The following PKD1 variants were observed in gnomAD, a reference collection of about 807,000 sequenced individuals.
The protein encoded by PKD1 is polycystin-1.
PKD1 carries 81 observed loss-of-function variants against 361.7 expected under a neutral mutation model. The ratio of observed to expected loss-of-function variants is 0.22; its 90% CI spans 0.19 to 0.27. The LOEUF (loss-of-function observed/expected upper bound fraction) is 0.27, where lower values mean the gene tolerates loss of function less well. Among genes scored for constraint, PKD1 ranks in the 10% least tolerant of loss-of-function variants. The probability of loss-of-function intolerance (pLI) is 1.00; values close to 1 mark genes in which losing one functional copy is unlikely to be tolerated. For synonymous variants in PKD1, 3,615 were observed against 2,818.3 expected, an observed-to-expected ratio of 1.28 and a Z score of -8.95; for missense variants, 6,399 against 6,118.3, an observed-to-expected ratio of 1.05 and a Z score of -1.53.
chr16:2,092,219 A>G (rs535839528), intron 39 of PKD1, 31 bp from the exon 40 acceptor site: 8 of 1,558,254 alleles, frequency 5.1e-6, no homozygotes, highest in Non-Finnish European at 4.3e-6. Flanking sequence ...GGCCGGGGCC[A>G]GGGCCTCATC....
At chr16:2,129,541 ATTTTTTTTTT>A (rs71148122) in intron 1 of PKD1, among the ~76,000 whole-genome samples, 15 of 72,088 alleles carry the variant, frequency 2.1e-4, no homozygotes, top group African/African-American at 8.0e-4. Context: ...AGATCCTGTG[ATTTTTTTTTT>A]TTTTTTTTTT....
Position 2,103,413 on chromosome 16 carries a change from A to T in PKD1, c.8644T>A (p.Trp2882Arg), listed in dbSNP as rs13333553. Residue 2882 changes from tryptophan to arginine, a missense_variant, in exon 23 of 46, where the codon TGG becomes AGG. Transcript: ENST00000262304. ...GAGCTGCGGTGGCCCCGGGCAGCCC[A>T]GTCCGAGTTGTTGGGCACCTTCACG... ...ITVKVPNNSD[W>R]AARGHRSSAN... 8.8e-3 allele frequency: 14,033 copies of T among 1,599,366 alleles called. 1,050 individuals carry two copies. The African/African-American group carries it at 0.16, about 18-fold the overall frequency.
chr16:2,093,882 C>A lies in PKD1; in HGVS notation c.10750G>T (p.Val3584Leu), dbSNP rs927844515. 1.9e-6 allele frequency: 3 copies of A among 1,575,080 alleles called. No individual in the cohort carries two copies. Among genetic ancestry groups the A allele is most frequent in the Non-Finnish European group, 2.6e-6 (3 of 1,166,188 alleles). ...GWVGASFPPGVSVAWLLSSSA... is the reference protein window; with the variant it reads ...GWVGASFPPGLSVAWLLSSSA... ...CTGGACAGGAGCCACGCAACACTCA[C>A]GCCCGGGGGGAAGCTCGCACCCACC... The change falls in exon 36 of 46, where the codon GTG (valine) becomes TTG (leucine). Residue 3584 changes from valine (V) to leucine (L), a missense_variant. By Grantham distance (32) the Val-to-Leu change is conservative. Coordinates refer to ENST00000262304, the MANE Select transcript of PKD1 (RefSeq NM_001009944.3).
Position 2,106,916 on chromosome 16 carries a change from C to T in PKD1, c.7098G>A (p.Val2366=). The T allele has an allele frequency of 6.4e-7, 1 of 1,573,848 alleles. No individual in the cohort carries two copies. Among genetic ancestry groups the T allele is most frequent in the Non-Finnish European group, 8.6e-7 (1 of 1,161,600 alleles). The part of the protein sequence containing the change: ...VLIRSGRVPI[V]SLECVSCKAQ... ...CCTTGCAGGACACACACTCCAAGGA[C>T]ACAATGGGCACCCGGCCACTCCGGA... Residue 2366 remains valine (V), a synonymous_variant, in exon 17 of 46, where the codon GTG becomes GTA. Transcript: ENST00000262304. This position sits in a 1 kb window ranked among gnomAD's most constrained non-coding sequence, Gnocchi z 6.5.
At position 2,111,436 on chromosome 16, in the gene PKD1, G is replaced by A. The variant is rs143624531; in HGVS notation, c.3731C>T (p.Thr1244Ile). ...AVQTGDNITW[T>I]FDMGDGTVLS... ...CACGGTGCCGTCCCCCATGTCGAAG[G>A]TCCACGTGATGTTGTCGCCCGTCTG... The change falls in exon 15 of 46, where the codon ACC becomes ATC. Residue 1244 changes from threonine to isoleucine, a missense_variant. Physicochemically the swap from Thr to Ile is moderately conservative, Grantham distance 89. Transcript: ENST00000262304. 195 of 1,611,934 alleles carry A rather than the reference G, an allele frequency of 1.2e-4. No homozygotes were observed. In the African/African-American group the frequency reaches 2.5e-3, roughly 20 times the overall value.
chr16:2,092,041 G>T lies in PKD1; in HGVS notation c.11411+6C>A. ...CGTAGACGCCCGGGGCCCTCGCTCT[G>T]CTCACCCCAGCAGATCCGGCGCTGA... On this transcript the variant is annotated splice_donor_region_variant and intron_variant, in intron 40 of 45. Coordinates refer to ENST00000262304, the MANE Select transcript of PKD1 (RefSeq NM_001009944.3). The T allele has an allele frequency of 9.9e-6, 16 of 1,612,758 alleles. No homozygotes were observed. Among genetic ancestry groups the T allele is most frequent in the Non-Finnish European group, 1.3e-5 (15 of 1,179,964 alleles).
Position 2,107,955 on chromosome 16 carries a change from C to A in PKD1, c.6993G>T (p.Ala2331=). The change falls in exon 16 of 46, where the codon GCG becomes GCT. Residue 2331 remains alanine (A), a synonymous_variant. Coordinates refer to ENST00000262304, the MANE Select transcript of PKD1 (RefSeq NM_001009944.3). ...GGCTGAAGGTGTACTCCACGCCAGC[C>A]GCCAGCCGCTCCCGTGGAATGGTGA... The part of the protein sequence containing the change: ...STVTIPRERL[A]AGVEYTFSLT... The A allele has an allele frequency of 6.5e-7, 1 of 1,547,078 alleles. No individual in the cohort carries two copies. The highest frequency in any genetic ancestry group is 2.0e-5 in the Admixed American group (1 of 51,036).
chr16:2,090,116 C>T lies in PKD1; in HGVS notation c.12523G>A (p.Val4175Met), dbSNP rs1180139883. ...TCGGAGCCAGCGCTGGGTGGGGGCACATCCGGGGATACCTTGGAGCCCCTG... is the reference window on the plus strand; with the variant it reads ...TCGGAGCCAGCGCTGGGTGGGGGCATATCCGGGGATACCTTGGAGCCCCTG... ...SSRGSKVSPD[V>M]PPPSAGSDAS... is the part of the protein sequence containing the mutation. Residue 4175 changes from valine to methionine, a missense_variant, in exon 46 of 46, where the codon GTG (valine) becomes ATG (methionine). Transcript: ENST00000262304. The T allele has an allele frequency of 6.2e-7, 1 of 1,601,174 alleles. No individual in the cohort carries two copies.
chr16:2,129,242 C>G (rs2092837536), intron 1 of PKD1, among the ~76,000 whole-genome samples: 1 of 149,370 alleles, frequency 6.7e-6, no homozygotes, highest in African/African-American at 2.5e-5. Context: ...TAACTGCAGT[C>G]TCAACCTCAT....
At chr16:2,129,466 G>A (rs1420523206) in intron 1 of PKD1, among the ~76,000 whole-genome samples, 2 of 151,278 alleles carry the variant, frequency 1.3e-5, no homozygotes, top group Non-Finnish European at 2.9e-5. Context: ...CATGACTAAT[G>A]AGGCCGACCA....
chr16:2,105,838 T>C, intron 20 of PKD1, 27 bp downstream of exon 20: 2 of 1,591,352 alleles, frequency 1.3e-6, no homozygotes, highest in Non-Finnish European at 1.7e-6. Context: ...GCAGCAGATG[T>C]GACGTCCCCT....
At chr16:2,129,046 T>C (rs925970308) in intron 1 of PKD1, among the ~76,000 whole-genome samples, 1 of 152,020 alleles carries the variant, frequency 6.6e-6, no homozygotes, top group African/African-American at 2.4e-5. Context: ...GTATTTTTAG[T>C]AGAACGGGGT....
intron 1 of PKD1, among the ~76,000 whole-genome samples, chr16:2,129,890 T>C (rs924969227): frequency 3.7e-4 from 56 of 151,774 alleles, no homozygotes; most frequent in Non-Finnish European, 6.3e-4. Context: ...ATCATAGTGT[T>C]CCCTGTATGA....
intron 1 of PKD1, among the ~76,000 whole-genome samples, chr16:2,123,807 G>A (rs1457815293): frequency 6.6e-6 from 1 of 152,228 alleles, no homozygotes; most frequent in Non-Finnish European, 1.5e-5. Context: ...GCTATGAGCT[G>A]GAAGGGTGGG....
chr16:2,114,416 G>T lies in PKD1; in HGVS notation c.2607C>A (p.Arg869=), dbSNP rs537405706. ...ARWPGGSVSA[R]FENVCPALVA... is the part of the protein sequence containing the mutation. ...CCAGGGCAGGGCAGACATTCTCAAAGCGGGCGCTGACACTGCCCCCAGGCC... is the reference window on the plus strand; with the variant it reads ...CCAGGGCAGGGCAGACATTCTCAAATCGGGCGCTGACACTGCCCCCAGGCC... Residue 869 remains arginine, a synonymous_variant, in exon 11 of 46, where the codon CGC becomes CGA. Coordinates refer to ENST00000262304, the MANE Select transcript of PKD1 (RefSeq NM_001009944.3). 29 of 1,603,486 alleles carry T rather than the reference G, an allele frequency of 1.8e-5. No homozygotes were observed. The East Asian group carries it at 6.5e-4, about 36-fold the overall frequency.
At position 2,088,861 on chromosome 16, in the gene PKD1, A is replaced by G. The variant is rs1177932432; in HGVS notation, c.*866T>C. On this transcript the variant is annotated 3_prime_UTR_variant, in exon 46 of 46. Coordinates refer to ENST00000262304, the MANE Select transcript of PKD1 (RefSeq NM_001009944.3). ...CTTGAGGCTGCCTGGGCCATACAGC[A>G]CACTCGCGCGTGCGCGCGCGCACAC... 7 of 552,064 alleles carry G rather than the reference A, an allele frequency of 1.3e-5. No individual in the cohort carries two copies. Among genetic ancestry groups the G allele is most frequent in the African/African-American group, 4.3e-5 (2 of 46,798 alleles). 34.2% of individuals were successfully genotyped at this position (552,064 alleles called of 1,614,324 possible).
intron 1 of PKD1, chr16:2,120,022 G>A: frequency 1.7e-6 from 1 of 594,378 alleles, no homozygotes; most frequent in Non-Finnish European, 3.0e-6. Context: ...AACCACCCTG[G>A]GCAACACAGT....
rs139695108 is a variant in PKD1 at position 2,120,387 on chromosome 16, T to C, written c.216-1009A>G. The C allele has an allele frequency of 5.1e-3, 786 of 153,342 alleles. 5 individuals are homozygous for C. The highest frequency in any genetic ancestry group is 0.018 in the African/African-American group (741 of 41,590). 9.5% of individuals were successfully genotyped at this position (153,342 alleles called of 1,614,324 possible). On this transcript the variant is annotated intron_variant, in intron 1 of 45. Coordinates refer to ENST00000262304, the MANE Select transcript of PKD1 (RefSeq NM_001009944.3). Reference sequence around the variant, plus strand: ...ATACTAAAGGCCAAAAATACCCTCCTGACACACAGCTAATAAAGAAAACGT... The same window carrying C: ...ATACTAAAGGCCAAAAATACCCTCCCGACACACAGCTAATAAAGAAAACGT...
chr16:2,128,390 G>A (rs1036021617), intron 1 of PKD1, among the ~76,000 whole-genome samples: 2 of 150,452 alleles, frequency 1.3e-5, no homozygotes, highest in Non-Finnish European at 3.0e-5. Context: ...CTGGGCGCAG[G>A]GCCCCTCAGC....
Sources: allele counts gnomAD v4.1 joint callset (sites outside exome capture counted in the v4.1 genomes callset), GRCh38; gene constraint gnomAD v4.1.1; non-coding constraint Gnocchi (gnomAD v3.1); transcripts MANE v1.5; gene names NCBI Gene and HGNC (gene_info 2026-07-23, HGNC 2026-07-21).